NOTCH2NLR: variants seen among roughly 807,000 people sequenced by gnomAD.
NOTCH2NLR encodes the protein notch 2 N-terminal like R (pseudogene).
Under a neutral mutation model 35.6 loss-of-function variants are expected in NOTCH2NLR, and 33 were observed. The ratio of observed to expected loss-of-function variants is 0.93; its 90% CI spans 0.70 to 1.24. The LOEUF (loss-of-function observed/expected upper bound fraction) is 1.24, where lower values mean the gene tolerates loss of function less well. Among genes scored for constraint, NOTCH2NLR ranks in the 50% most tolerant of loss-of-function variants. The pLI, the probability that NOTCH2NLR is intolerant of heterozygous loss-of-function variation, is 0.00. For synonymous variants in NOTCH2NLR, 103 were observed against 141.0 expected, an observed-to-expected ratio of 0.73 and a Z score of 1.91; for missense variants, 276 against 362.2, an observed-to-expected ratio of 0.76 and a Z score of 1.93.
At position 120,745,236 on chromosome 1, in the gene NOTCH2NLR, C is replaced by G. The variant is rs1425414673; in HGVS notation, c.74-18392C>G. ...TGGTTTTTTAAACTGCAGATCATGACCACGAATGGGTCATGAAACCAATTT... is the reference window on the plus strand; with the variant it reads ...TGGTTTTTTAAACTGCAGATCATGAGCACGAATGGGTCATGAAACCAATTT... On this transcript the variant is annotated intron_variant, in intron 1 of 4. Transcript: ENST00000624419. Among the ~76,000 whole-genome samples the G allele has an allele frequency of 1.8e-5, 2 of 108,944 alleles. 1 individual carries two copies. Among genetic ancestry groups the G allele is most frequent in the Admixed American group, 1.8e-4 (2 of 11,216 alleles). 71.5% of individuals were successfully genotyped at this position (108,944 alleles called of 152,430 possible). A position where few individuals can be genotyped will look rare whatever the true frequency, so the allele number is the denominator to read the frequency against.
chr1:120,790,699 G>A lies in NOTCH2NLR; in HGVS notation c.416-2462G>A, dbSNP rs1477150582. On this transcript the variant is annotated intron_variant, in intron 3 of 4. Coordinates refer to ENST00000624419, the Ensembl canonical transcript of NOTCH2NLR. ...ACTGCAACCTCCACCTCTTGGGTTC[G>A]AGTGATTCTTGTGCCTCAGCCTCCC... 1.2e-3 allele frequency among the ~76,000 whole-genome samples: 135 copies of A among 109,974 alleles called. 46 individuals carry two copies. Among genetic ancestry groups the A allele is most frequent in the African/African-American group, 6.9e-3 (121 of 17,644 alleles). 72.1% of individuals were successfully genotyped at this position (109,974 alleles called of 152,430 possible). A position where few individuals can be genotyped will look rare whatever the true frequency, so the allele number is the denominator to read the frequency against.
chr1:120,778,610 T>TTA lies in NOTCH2NLR; in HGVS notation c.156-6364_156-6363insTA, dbSNP rs1349087640. Among the ~76,000 whole-genome samples the TTA allele has an allele frequency of 1.1e-4, 4 of 37,922 alleles. No individual in the cohort carries two copies. The African/African-American group carries it at 1.1e-3, about 11-fold the overall frequency. The allele number at this position is 37,922 out of a possible 152,430, so 24.9% of individuals were successfully genotyped here. A position where few individuals can be genotyped will look rare whatever the true frequency, so the allele number is the denominator to read the frequency against. On this transcript the variant is annotated intron_variant, in intron 2 of 4. Transcript: ENST00000624419. Reference sequence around the variant, plus strand: ...TTTTTGAATGGCCAAATCCTCGTTTTAAAAAAAAAAAAAAAAAAAAAAGCT... The same window carrying TTA: ...TTTTTGAATGGCCAAATCCTCGTTTTTAAAAAAAAAAAAAAAAAAAAAAAGCT...
intron 1 of NOTCH2NLR, among the ~76,000 whole-genome samples, chr1:120,727,808 C>A (rs1371485460): frequency 2.6e-5 from 3 of 115,096 alleles, no homozygotes; most frequent in Non-Finnish European, 4.9e-5. Context: ...TTTTTGTTTC[C>A]CCCCCTTTCT....
intron 2 of NOTCH2NLR, 135 bp downstream of exon 2, chr1:120,763,844 G>A: frequency 4.0e-6 from 2 of 502,140 alleles, no homozygotes; most frequent in East Asian, 3.2e-5. Context: ...TTGGTTGGGG[G>A]TGAGGATGGA....
chr1:120,752,554 ATTTTTTTTTTTTTTT>A (rs1188849971), intron 1 of NOTCH2NLR, among the ~76,000 whole-genome samples: 2 of 3,744 alleles, frequency 5.3e-4, no homozygotes, highest in East Asian at 0.019. Flanking sequence ...ATATATATAT[ATTTTTTTTTTTTTTT>A]TTTTTCTTTT....
In NOTCH2NLR at chr1:120,760,153, G is replaced by C. The variant is rs1255264413; in HGVS notation, c.74-3475G>C. On this transcript the variant is annotated intron_variant, in intron 1 of 4. Coordinates refer to ENST00000624419, the Ensembl canonical transcript of NOTCH2NLR. ...AGAATTTATATCTAAAGGTTGAATA[G>C]TATTCCATTGTATATATCTACCACA... Among the ~76,000 whole-genome samples, 10 of 56,870 alleles carry C rather than the reference G, an allele frequency of 1.8e-4. 1 individual carries two copies. The highest frequency in any genetic ancestry group is 2.8e-4 in the Non-Finnish European group (10 of 35,260). The allele number at this position is 56,870 out of a possible 152,430, so 37.3% of individuals were successfully genotyped here.
chr1:120,783,646 T>A lies in NOTCH2NLR; in HGVS notation c.156-1328T>A, dbSNP rs1415265448. Reference sequence around the variant, plus strand: ...CATATGGGACTGGAACAGTGTATTTTGGAGTCAGTTACAGGAAGGAAGTTG... The same window carrying A: ...CATATGGGACTGGAACAGTGTATTTAGGAGTCAGTTACAGGAAGGAAGTTG... On this transcript the variant is annotated intron_variant, in intron 2 of 4. Transcript: ENST00000624419. Among the ~76,000 whole-genome samples, 4 of 109,416 alleles carry A rather than the reference T, an allele frequency of 3.7e-5. 1 individual carries two copies. Among genetic ancestry groups the A allele is most frequent in the Non-Finnish European group, 6.8e-5 (4 of 58,584 alleles). 71.8% of individuals were successfully genotyped at this position (109,416 alleles called of 152,430 possible).
rs1650799917 is a variant in NOTCH2NLR at position 120,724,766 on chromosome 1, A to G, written c.73+516A>G. On this transcript the variant is annotated intron_variant, in intron 1 of 4. Coordinates refer to ENST00000624419, the Ensembl canonical transcript of NOTCH2NLR. Reference sequence around the variant, plus strand: ...GGCCGGGTGTGTGGGCTTGGTTTGGATGGGGACGGGGTTTTGCGGCGCGCC... The same window carrying G: ...GGCCGGGTGTGTGGGCTTGGTTTGGGTGGGGACGGGGTTTTGCGGCGCGCC... Among the ~76,000 whole-genome samples the G allele has an allele frequency of 1.8e-5, 2 of 113,024 alleles. 1 individual carries two copies. Among genetic ancestry groups the G allele is most frequent in the Non-Finnish European group, 3.5e-5 (2 of 57,334 alleles). 74.1% of individuals were successfully genotyped at this position (113,024 alleles called of 152,430 possible).
intron 2 of NOTCH2NLR, among the ~76,000 whole-genome samples, chr1:120,784,298 T>G (rs1474145142): frequency 8.5e-6 from 1 of 117,638 alleles, no homozygotes; most frequent in African/African-American, 5.0e-5. Context: ...CTGTTGTACC[T>G]CATATGTAAG....
rs1163315370 is a variant in NOTCH2NLR at position 120,729,710 on chromosome 1, T to C, written c.73+5460T>C. ...TAACATTTATCAAGCAGTGTTTCCC[T>C]AACTTCTCTTATGATAAGAATAGCT... On this transcript the variant is annotated intron_variant, in intron 1 of 4. Transcript: ENST00000624419. 9.4e-5 allele frequency among the ~76,000 whole-genome samples: 11 copies of C among 117,614 alleles called. 2 individuals carry two copies. In the East Asian group the frequency reaches 2.1e-3, roughly 23 times the overall value. The allele number at this position is 117,614 out of a possible 152,430, so 77.2% of individuals were successfully genotyped here.
chr1:120,735,303 G>A (rs1259230910), intron 1 of NOTCH2NLR, among the ~76,000 whole-genome samples: 1 of 66,478 alleles, frequency 1.5e-5, no homozygotes, highest in Admixed American at 1.5e-4. Flanking sequence ...GACCTCAGTT[G>A]ATCTGCCCGC....
chr1:120,760,180 CTT>C (rs1161423259), intron 1 of NOTCH2NLR, among the ~76,000 whole-genome samples: 3 of 15,166 alleles, frequency 2.0e-4, no homozygotes, highest in South Asian at 1.3e-3. Flanking sequence ...TCTACCACAG[CTT>C]TTTTTTTTTT....
At chr1:120,744,956 C>T (rs1332614229) in intron 1 of NOTCH2NLR, among the ~76,000 whole-genome samples, 1 of 25,180 alleles carries the variant, frequency 4.0e-5, no homozygotes, top group Non-Finnish European at 6.3e-5. Context: ...CCCATCTTTA[C>T]GAAAAATAAA....
Position 120,770,243 on chromosome 1 carries a change from C to T in NOTCH2NLR, c.155+6534C>T, listed in dbSNP as rs1651247330. 2.9e-5 allele frequency among the ~76,000 whole-genome samples: 3 copies of T among 103,434 alleles called. No homozygotes were observed. In the South Asian group the frequency reaches 8.7e-4, roughly 30 times the overall value. 67.9% of individuals were successfully genotyped at this position (103,434 alleles called of 152,430 possible). A position where few individuals can be genotyped will look rare whatever the true frequency, so the allele number is the denominator to read the frequency against. ...GGAGTGCAGTGGCGCTTTCTTGGCT[C>T]ACTGCAAGCTCCGCCTCCCGGGTTC... On this transcript the variant is annotated intron_variant, in intron 2 of 4. Coordinates refer to ENST00000624419, the Ensembl canonical transcript of NOTCH2NLR.
chr1:120,784,851 G>A, intron 2 of NOTCH2NLR, 123 bp from the exon 3 acceptor site: 1 of 1,042,214 alleles, frequency 9.6e-7, no homozygotes, highest in Non-Finnish European at 1.4e-6. Flanking sequence ...TTTATAGGTG[G>A]TACTTGTAGG....
chr1:120,769,981 G>C (rs1386515665), intron 2 of NOTCH2NLR, among the ~76,000 whole-genome samples: 2 of 110,294 alleles, frequency 1.8e-5, no homozygotes, highest in Non-Finnish European at 3.8e-5. Flanking sequence ...AATAATGTTT[G>C]TATGTAGTTG....
chr1:120,764,894 TC>T (rs1651173112), intron 2 of NOTCH2NLR, among the ~76,000 whole-genome samples: 1 of 90,826 alleles, frequency 1.1e-5, no homozygotes, highest in Non-Finnish European at 2.1e-5. Flanking sequence ...AGTGAGTTTA[TC>T]CAACACATTT....
rs1488041547 is a variant in NOTCH2NLR at position 120,756,367 on chromosome 1, C to T, written c.74-7261C>T. Among the ~76,000 whole-genome samples the T allele has an allele frequency of 2.5e-4, 29 of 118,064 alleles. 7 individuals carry two copies. The East Asian group carries it at 4.2e-3, about 17-fold the overall frequency. The allele number at this position is 118,064 out of a possible 152,430, so 77.5% of individuals were successfully genotyped here. On this transcript the variant is annotated intron_variant, in intron 1 of 4. Coordinates refer to ENST00000624419, the Ensembl canonical transcript of NOTCH2NLR. ...TATTGCTACTTGAAATTTGCATAAA[C>T]GTTGAAGAAAAAGTTAAAAGAGCCT...
chr1:120,790,062 G>T (rs1651467019), intron 3 of NOTCH2NLR, among the ~76,000 whole-genome samples: 2 of 78,884 alleles, frequency 2.5e-5, no homozygotes, highest in East Asian at 5.3e-4. Flanking sequence ...TGTCATCCAG[G>T]CTGGAGTGCA....
Sources: allele counts gnomAD v4.1 joint callset (sites outside exome capture counted in the v4.1 genomes callset), GRCh38; gene constraint gnomAD v4.1.1; transcripts MANE v1.5; gene names NCBI Gene and HGNC (gene_info 2026-07-23, HGNC 2026-07-21).